Variants in NBEAL1 observed in about 807,000 individuals in gnomAD.
The protein encoded by NBEAL1 is neurobeachin-like protein 1.
In NBEAL1, 273 loss-of-function variants were observed where a neutral mutation model predicts 351.3. The ratio of observed to expected loss-of-function variants is 0.78; its 90% CI spans 0.70 to 0.86. The LOEUF is 0.86. Ranked by LOEUF, NBEAL1 falls within the 40% of genes least tolerant of loss-of-function variation. The pLI is 0.00. For missense variants in NBEAL1, 2,961 were observed against 3,201.3 expected, an observed-to-expected ratio of 0.92 and a Z score of 1.81; for synonymous variants, 1,050 against 1,086.4, an observed-to-expected ratio of 0.97 and a Z score of 0.66.
intron 2 of NBEAL1, among the ~76,000 whole-genome samples, chr2:203,033,043 C>G (rs2060976785): frequency 6.6e-6 from 1 of 150,736 alleles, no homozygotes. Flanking sequence ...CTCTGTCGCC[C>G]AGGCTGGAGT....
intron 4 of NBEAL1, among the ~76,000 whole-genome samples, chr2:203,055,795 TA>T (rs2061393419): frequency 6.6e-6 from 1 of 152,288 alleles, no homozygotes; most frequent in East Asian, 1.9e-4. Flanking sequence ...CTCAGTCTTA[TA>T]AAAAGGGAAT....
At chr2:203,191,213 G>A in intron 46 of NBEAL1, 1 of 1,558,618 alleles carries the variant, frequency 6.4e-7, no homozygotes, top group East Asian at 2.2e-5. Context: ...AATGTTGATG[G>A]CCGCCATCCT....
chr2:203,020,243 CAT>C (rs917720414), intron 2 of NBEAL1, among the ~76,000 whole-genome samples: 8 of 152,136 alleles, frequency 5.3e-5, no homozygotes, highest in African/African-American at 9.7e-5. Flanking sequence ...TTGTTAGAAA[CAT>C]GTGTCTTCTT....
chr2:203,170,379 T>TAAG (rs1277435573), intron 39 of NBEAL1, among the ~76,000 whole-genome samples: 1 of 151,784 alleles, frequency 6.6e-6, no homozygotes, highest in African/African-American at 2.4e-5. Flanking sequence ...TCACAAATAA[T>TAAG]AATAATAATA....
intron 35 of NBEAL1, among the ~76,000 whole-genome samples, chr2:203,155,740 A>G (rs2063783032): frequency 6.6e-6 from 1 of 152,098 alleles, no homozygotes; most frequent in South Asian, 2.1e-4. Context: ...GAGCCATCAC[A>G]CTCAGCCTGT....
chr2:203,104,368 T>G (rs2062388467), intron 12 of NBEAL1, among the ~76,000 whole-genome samples: 1 of 152,222 alleles, frequency 6.6e-6, no homozygotes, highest in South Asian at 2.1e-4. Context: ...AACCCCTGCT[T>G]TTTTCCATTT....
chr2:203,066,698 A>T (rs940720712), intron 6 of NBEAL1, among the ~76,000 whole-genome samples: 2 of 143,152 alleles, frequency 1.4e-5, no homozygotes, highest in African/African-American at 2.6e-5. Flanking sequence ...CACTTCCCAG[A>T]TGGGGCGGCC....
chr2:203,060,232 G>A (rs1290275296), intron 6 of NBEAL1, among the ~76,000 whole-genome samples: 2 of 152,060 alleles, frequency 1.3e-5, no homozygotes, highest in Non-Finnish European at 2.9e-5. Context: ...TTATAAAAAG[G>A]CAGCTCTGAT....
chr2:203,202,909 A>G (rs1255128757), intron 51 of NBEAL1, 128 bp downstream of exon 51: 1 of 620,988 alleles, frequency 1.6e-6, no homozygotes, highest in Non-Finnish European at 2.9e-6. Flanking sequence ...CTTTTTACCC[A>G]CATTTTGTCC....
rs5837844 is a variant in NBEAL1, at chr2:203,171,677, G to GTTT, written c.6103-241_6103-239dup. On this transcript the variant is annotated intron_variant, in intron 39 of 55. Transcript: ENST00000683969. ...AACATGTAATTGAAGAAAAGACAAG[G>GTTT]TTTTTTTTTTTTAGGAAAGAATTTT... Among the ~76,000 whole-genome samples the GTTT allele has an allele frequency of 6.5e-4, 97 of 148,464 alleles. 1 individual carries two copies. The highest frequency in any genetic ancestry group is 3.5e-3 in the Middle Eastern group (1 of 286).
intron 2 of NBEAL1, among the ~76,000 whole-genome samples, chr2:203,029,843 T>C (rs1328768380): frequency 6.6e-6 from 1 of 152,202 alleles, no homozygotes; most frequent in African/African-American, 2.4e-5. Context: ...CTTCCAAACC[T>C]CTCTTGGATG....
At chr2:203,207,378 CCT>C (rs2065632148) in intron 51 of NBEAL1, among the ~76,000 whole-genome samples, 2 of 152,138 alleles carry the variant, frequency 1.3e-5, no homozygotes, top group Admixed American at 1.3e-4. Flanking sequence ...GTGAGGAGCC[CCT>C]CTGCCCGGCC....
intron 25 of NBEAL1, among the ~76,000 whole-genome samples, chr2:203,130,684 A>G (rs2106296578): frequency 6.6e-6 from 1 of 152,322 alleles, no homozygotes; most frequent in East Asian, 1.9e-4. Context: ...TCTCAGTGGA[A>G]TATTCACTTT....
At chr2:203,016,634 A>G (rs1039066596) in intron 2 of NBEAL1, among the ~76,000 whole-genome samples, 199 bp downstream of exon 2, 1 of 152,206 alleles carries the variant, frequency 6.6e-6, no homozygotes, top group African/African-American at 2.4e-5. Context: ...ATACTGTTAA[A>G]AACTGTAGGG....
rs987576428 is a variant in NBEAL1, at chr2:203,034,914, C to G, written c.52-6851C>G. 8.7e-5 allele frequency among the ~76,000 whole-genome samples: 13 copies of G among 149,120 alleles called. 1 individual carries two copies. Among genetic ancestry groups the G allele is most frequent in the African/African-American group, 2.9e-4 (12 of 40,988 alleles). On this transcript the variant is annotated intron_variant, in intron 2 of 55. Transcript: ENST00000683969. ...TATAAATATAACTGACTTAAATGAACTTTTAAAATTCAATTCATATTTAAG... is the reference window on the plus strand; with the variant it reads ...TATAAATATAACTGACTTAAATGAAGTTTTAAAATTCAATTCATATTTAAG...
chr2:203,126,253 G>A (rs948027012), intron 21 of NBEAL1, among the ~76,000 whole-genome samples, 160 bp downstream of exon 21: 1 of 152,014 alleles, frequency 6.6e-6, no homozygotes, highest in Non-Finnish European at 1.5e-5. Context: ...AAACTTGTAT[G>A]GAATCATCTT....
intron 31 of NBEAL1, among the ~76,000 whole-genome samples, chr2:203,142,724 C>A (rs762440338): frequency 3.3e-5 from 5 of 151,884 alleles, no homozygotes; most frequent in African/African-American, 7.3e-5. Flanking sequence ...TAAACACATA[C>A]CAAAAAAAAG....
chr2:203,088,743 T>C (rs1446254456), intron 10 of NBEAL1, among the ~76,000 whole-genome samples: 1 of 152,166 alleles, frequency 6.6e-6, no homozygotes, highest in African/African-American at 2.4e-5. Flanking sequence ...CTGCTTAAGA[T>C]GAAAGATTAA....
At chr2:203,174,136 T>G (rs1223761672) in intron 41 of NBEAL1, among the ~76,000 whole-genome samples, 1 of 149,210 alleles carries the variant, frequency 6.7e-6, no homozygotes, top group African/African-American at 2.5e-5. Flanking sequence ...TTCACAATTC[T>G]TGACTGGTTC....
Sources: allele counts gnomAD v4.1 joint callset (sites outside exome capture counted in the v4.1 genomes callset), GRCh38; gene constraint gnomAD v4.1.1; transcripts MANE v1.5; gene names NCBI Gene and HGNC (gene_info 2026-07-23, HGNC 2026-07-21).